The following BNC2 variants were observed in gnomAD, a reference collection of about 807,000 sequenced individuals.
BNC2 encodes the protein basonuclin zinc finger protein 2.
A neutral mutation model predicts 76.3 loss-of-function variants in BNC2; 20 were observed. That is an observed-to-expected ratio of 0.26 (90% CI 0.18 to 0.38). BNC2 has a LOEUF of 0.38. Among genes scored for constraint, BNC2 ranks in the 10% least tolerant of loss-of-function variants. The pLI, the probability that BNC2 is intolerant of heterozygous loss-of-function variation, is 1.00. For missense variants in BNC2, 1,382 were observed against 1,399.8 expected, an observed-to-expected ratio of 0.99 and a Z score of 0.20; for synonymous variants, 582 against 514.8, an observed-to-expected ratio of 1.13 and a Z score of -1.77.
At chr9:16,423,221 A>G (rs1820742568) in intron 6 of BNC2, among the ~76,000 whole-genome samples, 1 of 152,230 alleles carries the variant, frequency 6.6e-6, no homozygotes, top group South Asian at 2.1e-4. Flanking sequence ...TCTCTAGGAA[A>G]GAGGGAAGAA....
chr9:16,636,079 G>A (rs538718500), intron 3 of BNC2, among the ~76,000 whole-genome samples: 8 of 152,154 alleles, frequency 5.3e-5, no homozygotes, highest in Non-Finnish European at 8.8e-5. Flanking sequence ...AATAATCTTA[G>A]GAATGTTCCT....
chr9:16,634,572 G>C (rs1441599573), intron 3 of BNC2, among the ~76,000 whole-genome samples: 1 of 144,860 alleles, frequency 6.9e-6, no homozygotes, highest in Non-Finnish European at 1.5e-5. Context: ...CGCAATCTCT[G>C]CTCACTGCAA....
intron 5 of BNC2, among the ~76,000 whole-genome samples, chr9:16,540,470 T>A (rs1006156570): frequency 6.6e-6 from 1 of 152,166 alleles, no homozygotes; most frequent in African/African-American, 2.4e-5. Context: ...GGCACATGAG[T>A]ATAGGGTCTC....
At chr9:16,787,186 T>A (rs1269297685) in intron 1 of BNC2, among the ~76,000 whole-genome samples, 1 of 152,004 alleles carries the variant, frequency 6.6e-6, no homozygotes, top group Non-Finnish European at 1.5e-5. Flanking sequence ...AAGACAAAGG[T>A]ACAAAACTTC....
chr9:16,868,837 A>G (rs868643586), intron 1 of BNC2, among the ~76,000 whole-genome samples: 2 of 152,282 alleles, frequency 1.3e-5, no homozygotes, highest in Middle Eastern at 3.4e-3. Context: ...ATGTTCTGTT[A>G]ACTTGTACAA....
At chr9:16,516,491 T>G (rs949524943) in intron 5 of BNC2, among the ~76,000 whole-genome samples, 6 of 152,154 alleles carry the variant, frequency 3.9e-5, no homozygotes, top group Admixed American at 2.0e-4. Flanking sequence ...ATCACTTATG[T>G]ATCATCAATG....
chr9:16,824,153 G>A (rs889291642), intron 1 of BNC2, among the ~76,000 whole-genome samples: 3 of 152,096 alleles, frequency 2.0e-5, no homozygotes, highest in African/African-American at 7.2e-5. Flanking sequence ...GGCTGTGACC[G>A]CTACCATTAT....
At chr9:16,768,605 G>A (rs1825755866) in intron 1 of BNC2, among the ~76,000 whole-genome samples, 1 of 152,080 alleles carries the variant, frequency 6.6e-6, no homozygotes, top group South Asian at 2.1e-4. Context: ...ATCCAGAGAA[G>A]AGAATGAGGG....
intron 5 of BNC2, among the ~76,000 whole-genome samples, chr9:16,441,896 C>G (rs188785457): frequency 1.2e-4 from 18 of 152,202 alleles, no homozygotes; most frequent in African/African-American, 3.6e-4. Context: ...GTGGAATAAA[C>G]ACTAATAAAA....
At chr9:16,668,511 A>G (rs984925690) in intron 3 of BNC2, among the ~76,000 whole-genome samples, 6 of 152,212 alleles carry the variant, frequency 3.9e-5, no homozygotes, top group Non-Finnish European at 8.8e-5. Flanking sequence ...ATACTTAACA[A>G]CGTCAGGATG....
intron 1 of BNC2, among the ~76,000 whole-genome samples, chr9:16,857,355 T>C (rs540937056): frequency 1.3e-5 from 2 of 151,790 alleles, no homozygotes; most frequent in Non-Finnish European, 2.9e-5. Context: ...CAGGCACCTG[T>C]AATCCCAGCT....
chr9:16,812,606 C>A (rs1818080253), intron 1 of BNC2, among the ~76,000 whole-genome samples: 1 of 152,160 alleles, frequency 6.6e-6, no homozygotes, highest in Non-Finnish European at 1.5e-5. Flanking sequence ...TCATCTTAAA[C>A]AGTTTTTTCT....
Position 16,674,074 on chromosome 9 carries a change from C to T in BNC2, c.330+53723G>A, listed in dbSNP as rs369343594. Among the ~76,000 whole-genome samples the T allele has an allele frequency of 3.9e-5, 6 of 152,276 alleles. No homozygotes were observed. The East Asian group carries it at 9.6e-4, about 24-fold the overall frequency. ...AACCTGCCTTTTCGGACTAATATTCCACTCAAAGCCTTTTAGATATATAAG... is the reference window on the plus strand; with the variant it reads ...AACCTGCCTTTTCGGACTAATATTCTACTCAAAGCCTTTTAGATATATAAG... On this transcript the variant is annotated intron_variant, in intron 3 of 6. Coordinates refer to ENST00000380672, the MANE Select transcript of BNC2 (RefSeq NM_017637.6).
intron 5 of BNC2, among the ~76,000 whole-genome samples, chr9:16,522,830 A>G (rs1817660695): frequency 6.6e-6 from 1 of 152,108 alleles, no homozygotes; most frequent in South Asian, 2.1e-4. Context: ...TCTCCTGAGG[A>G]GCAGCTGAAA....
intron 3 of BNC2, among the ~76,000 whole-genome samples, chr9:16,679,601 G>A (rs141081386): frequency 1.3e-5 from 2 of 152,280 alleles, no homozygotes; most frequent in African/African-American, 4.8e-5. Context: ...CAGATGTTCA[G>A]AGACCACAAA....
chr9:16,435,708 C>G lies in BNC2; in HGVS notation c.2486G>C (p.Ser829Thr). The G allele has an allele frequency of 5.6e-6, 9 of 1,614,118 alleles. No individual in the cohort carries two copies. Among genetic ancestry groups the G allele is most frequent in the Non-Finnish European group, 7.6e-6 (9 of 1,180,032 alleles). The change falls in exon 6 of 7, where the codon AGC becomes ACC. Residue 829 changes from serine (S) to threonine (T), a missense_variant. By Grantham distance (58) the Ser-to-Thr change is moderately conservative. Coordinates refer to ENST00000380672, the MANE Select transcript of BNC2 (RefSeq NM_017637.6). ...KFSPEGDLCS[S>T]PDPKICYVCK... ...CACATAACAGATTTTGGGGTCTGGGCTAGAACATAGGTCACCTTCTGGGGA... is the reference window on the plus strand; with the variant it reads ...CACATAACAGATTTTGGGGTCTGGGGTAGAACATAGGTCACCTTCTGGGGA...
At chr9:16,679,563 AC>A (rs1395415794) in intron 3 of BNC2, among the ~76,000 whole-genome samples, 1 of 152,088 alleles carries the variant, frequency 6.6e-6, no homozygotes, top group South Asian at 2.1e-4. Context: ...AATTAATGAC[AC>A]CCCCTCAGCT....
At chr9:16,785,803 T>C (rs1826277082) in intron 1 of BNC2, among the ~76,000 whole-genome samples, 2 of 106,636 alleles carry the variant, frequency 1.9e-5, no homozygotes. Flanking sequence ...CCAGATGCTG[T>C]CTCCAAAAAA....
intron 1 of BNC2, among the ~76,000 whole-genome samples, chr9:16,794,474 T>C (rs1234133234): frequency 6.6e-6 from 1 of 152,160 alleles, no homozygotes; most frequent in African/African-American, 2.4e-5. Context: ...ATTAACAGGG[T>C]TGGCATTAAA....
Sources: allele counts gnomAD v4.1 joint callset (sites outside exome capture counted in the v4.1 genomes callset), GRCh38; gene constraint gnomAD v4.1.1; transcripts MANE v1.5; gene names NCBI Gene and HGNC (gene_info 2026-07-23, HGNC 2026-07-21).